The following FAM227B variants were observed in gnomAD, a reference collection of about 807,000 sequenced individuals.
The protein encoded by FAM227B is protein FAM227B.
FAM227B carries 88 observed loss-of-function variants against 73.8 expected under a neutral mutation model. That is an observed-to-expected ratio of 1.19 (90% CI 1.00 to 1.42). The LOEUF (loss-of-function observed/expected upper bound fraction) is 1.42, where lower values mean the gene tolerates loss of function less well. Ranked by LOEUF, FAM227B falls within the 40% of genes most tolerant of loss-of-function variation. The pLI is 0.00. For synonymous variants in FAM227B, 210 were observed against 190.5 expected, an observed-to-expected ratio of 1.10 and a Z score of -0.84; for missense variants, 632 against 590.9, an observed-to-expected ratio of 1.07 and a Z score of -0.72.
At chr15:49,529,239 C>T (rs2152217764) in intron 10 of FAM227B, among the ~76,000 whole-genome samples, 1 of 151,420 alleles carries the variant, frequency 6.6e-6, no homozygotes, top group Admixed American at 6.6e-5. Context: ...AACCAAATAC[C>T]ATATATTCTC....
intron 11 of FAM227B, among the ~76,000 whole-genome samples, chr15:49,467,145 T>C (rs2054334830): frequency 6.6e-6 from 1 of 152,142 alleles, no homozygotes; most frequent in South Asian, 2.1e-4. Flanking sequence ...ATATTAGTAT[T>C]TAAAATAAAG....
At chr15:49,521,767 T>G (rs1166649063) in intron 10 of FAM227B, among the ~76,000 whole-genome samples, 1 of 152,108 alleles carries the variant, frequency 6.6e-6, no homozygotes, top group Non-Finnish European at 1.5e-5. Context: ...CAGAATCTAT[T>G]TTAACTGAAG....
intron 11 of FAM227B, among the ~76,000 whole-genome samples, chr15:49,496,566 C>T (rs1264611256): frequency 6.6e-6 from 1 of 152,142 alleles, no homozygotes; most frequent in Non-Finnish European, 1.5e-5. Context: ...TAACTGCTTA[C>T]ATTCCAGTCC....
chr15:49,587,050 A>G (rs139139267), intron 5 of FAM227B, among the ~76,000 whole-genome samples: 82 of 152,280 alleles, frequency 5.4e-4, no homozygotes, highest in Non-Finnish European at 1.1e-3. Context: ...CTGCAGCACT[A>G]TTCACAATAG....
intron 9 of FAM227B, among the ~76,000 whole-genome samples, chr15:49,560,280 G>A (rs554466020): frequency 6.6e-6 from 1 of 152,164 alleles, no homozygotes; most frequent in African/African-American, 2.4e-5. Context: ...AAAATTTTCA[G>A]AGCTTGAAGA....
At chr15:49,403,943 A>T (rs1478212233) in intron 11 of FAM227B, among the ~76,000 whole-genome samples, 1 of 152,162 alleles carries the variant, frequency 6.6e-6, no homozygotes, top group African/African-American at 2.4e-5. Context: ...TGTCCCAGAG[A>T]TTCTGGTATG....
chr15:49,602,758 G>A (rs1422989234), intron 3 of FAM227B, among the ~76,000 whole-genome samples: 5 of 152,104 alleles, frequency 3.3e-5, no homozygotes, highest in Admixed American at 2.6e-4. Context: ...GTGTTTTCTT[G>A]TAGTAGTTTC....
At chr15:49,329,253 G>A in intron 15 of FAM227B, 1 of 985,370 alleles carries the variant, frequency 1.0e-6, no homozygotes, top group Non-Finnish European at 1.2e-6. Context: ...ATCAAGAGTG[G>A]GCAGAAATGT....
intron 11 of FAM227B, among the ~76,000 whole-genome samples, chr15:49,475,270 G>A (rs1261053287): frequency 6.6e-6 from 1 of 152,170 alleles, no homozygotes; most frequent in Non-Finnish European, 1.5e-5. Context: ...GTTTATTCAT[G>A]AGTTTGAAGA....
chr15:49,351,792 G>A (rs1340181479), intron 13 of FAM227B, among the ~76,000 whole-genome samples: 1 of 152,208 alleles, frequency 6.6e-6, no homozygotes, highest in Non-Finnish European at 1.5e-5. Flanking sequence ...TGACCCTTCA[G>A]AATTGTTCTG....
chr15:49,614,533 AG>A (rs2078162273), intron 2 of FAM227B, among the ~76,000 whole-genome samples: 1 of 152,238 alleles, frequency 6.6e-6, no homozygotes, highest in Non-Finnish European at 1.5e-5. Context: ...GCTAAAAACA[AG>A]CCTAACTGTC....
chr15:49,430,940 T>A (rs959987664), intron 11 of FAM227B, among the ~76,000 whole-genome samples: 9 of 148,562 alleles, frequency 6.1e-5, no homozygotes, highest in African/African-American at 2.2e-4. Context: ...GACTGTTCTC[T>A]TTTTAAGACT....
chr15:49,507,078 A>C (rs1811551499), intron 11 of FAM227B, among the ~76,000 whole-genome samples: 1 of 152,030 alleles, frequency 6.6e-6, no homozygotes, highest in Non-Finnish European at 1.5e-5. Context: ...AATCCCTAGA[A>C]ATAGCCCCCC....
At chr15:49,499,454 C>G (rs1252472509) in intron 11 of FAM227B, among the ~76,000 whole-genome samples, 2 of 152,028 alleles carry the variant, frequency 1.3e-5, no homozygotes, top group Non-Finnish European at 2.9e-5. Context: ...GACAAACTCA[C>G]TTTGTTAAGA....
intron 11 of FAM227B, among the ~76,000 whole-genome samples, chr15:49,371,992 A>AAATGAAATAAAATTCACTTATAAATC (rs1195157513): frequency 0.081 from 2,808 of 34,458 alleles, 717 homozygotes; most frequent in Middle Eastern, 0.26. Flanking sequence ...ACTTATAAAT[A>AAATGAAATAAAATTCACTTATAAATC]AATGAAATAA....
intron 11 of FAM227B, chr15:49,396,056 G>A: frequency 4.4e-6 from 2 of 450,346 alleles, no homozygotes; most frequent in Non-Finnish European, 8.9e-6. Flanking sequence ...CGCAGAAGAT[G>A]GTGATTTCTG....
chr15:49,511,101 A>G (rs922884988), intron 10 of FAM227B, among the ~76,000 whole-genome samples: 5 of 152,058 alleles, frequency 3.3e-5, no homozygotes, highest in African/African-American at 1.2e-4. Flanking sequence ...TCAAGCATGG[A>G]AAACTTTTTG....
intron 11 of FAM227B, chr15:49,487,184 T>C (rs1441855423): frequency 6.6e-6 from 1 of 151,850 alleles, no homozygotes; most frequent in Non-Finnish European, 1.5e-5. Context: ...GAAAAGAAAT[T>C]ATGTAGTTTT....
chr15:49,361,484 T>C (rs2044231837), intron 13 of FAM227B, among the ~76,000 whole-genome samples: 1 of 152,158 alleles, frequency 6.6e-6, no homozygotes, highest in Non-Finnish European at 1.5e-5. Flanking sequence ...TACTTATTAG[T>C]GAGAACATGT....
Sources: allele counts gnomAD v4.1 joint callset (sites outside exome capture counted in the v4.1 genomes callset), GRCh38; gene constraint gnomAD v4.1.1; transcripts MANE v1.5; gene names NCBI Gene and HGNC (gene_info 2026-07-23, HGNC 2026-07-21).